The following PLPP1 variants were observed in gnomAD, a reference collection of about 807,000 sequenced individuals.
PLPP1 encodes lipid phosphate phosphohydrolase 1a.
A neutral mutation model predicts 31.2 loss-of-function variants in PLPP1; 24 were observed. That is an observed-to-expected ratio of 0.77 (90% CI 0.56 to 1.08). The LOEUF is 1.08. Ranked by LOEUF, PLPP1 falls within the 50% of genes least tolerant of loss-of-function variation. PLPP1 has a pLI of 0.00. For synonymous variants in PLPP1, 146 were observed against 126.3 expected (o/e 1.16, Z -1.05); for missense variants, 319 against 342.7 (o/e 0.93, Z 0.55).
intron 5 of PLPP1, 51 bp downstream of exon 5, chr5:55,425,812 A>ACT: frequency 7.0e-7 from 1 of 1,423,470 alleles, no homozygotes; most frequent in South Asian, 1.6e-5. Context: ...CTATTTACTT[A>ACT]TATAAATGTT....
At chr5:55,447,629 C>T (rs553695423) in intron 3 of PLPP1, among the ~76,000 whole-genome samples, 80 of 152,260 alleles carry the variant, frequency 5.3e-4, no homozygotes, top group African/African-American at 1.7e-3. Context: ...TCTTTCTGTG[C>T]CATGATTTCA....
chr5:55,525,029 G>A (rs1409510852), intron 1 of PLPP1, among the ~76,000 whole-genome samples: 1 of 152,086 alleles, frequency 6.6e-6, no homozygotes, highest in Non-Finnish European at 1.5e-5. Flanking sequence ...CACCATGGCT[G>A]GAATTACCAC....
Position 55,449,565 on chromosome 5 carries a change from G to A in PLPP1, c.492-7657C>T, listed in dbSNP as rs3804265. Among the ~76,000 whole-genome samples, 160 of 152,248 alleles carry A rather than the reference G, an allele frequency of 1.1e-3. 3 individuals are homozygous for A. The East Asian group carries it at 0.029, about 28-fold the overall frequency. On this transcript the variant is annotated intron_variant, in intron 3 of 5. Coordinates refer to ENST00000307259, the MANE Select transcript of PLPP1 (RefSeq NM_003711.4). ...ACAAACTCATGCCCAGAACCCAGCA[G>A]TGAATCGGGCCCTGTTCTCACATCT...
chr5:55,494,036 T>G (rs1752953509), intron 1 of PLPP1, among the ~76,000 whole-genome samples: 1 of 152,026 alleles, frequency 6.6e-6, no homozygotes, highest in Admixed American at 6.6e-5. Flanking sequence ...AGAGCAAGAC[T>G]CCCAACTCCA....
At chr5:55,499,523 C>G (rs187415121) in intron 1 of PLPP1, among the ~76,000 whole-genome samples, 16 of 152,242 alleles carry the variant, frequency 1.1e-4, no homozygotes, top group Admixed American at 1.0e-3. Context: ...AACAGCAATC[C>G]TGCTAGTCTC....
At chr5:55,515,236 G>A (rs1753530823) in intron 1 of PLPP1, among the ~76,000 whole-genome samples, 1 of 152,134 alleles carries the variant, frequency 6.6e-6, no homozygotes, top group African/African-American at 2.4e-5. Context: ...CTATACCATT[G>A]TTCTAAAAAT....
chr5:55,509,366 C>CAAG (rs1389581078), intron 1 of PLPP1, among the ~76,000 whole-genome samples: 1 of 152,124 alleles, frequency 6.6e-6, no homozygotes, highest in East Asian at 1.9e-4. Flanking sequence ...TGTTAACAGG[C>CAAG]AAGAATTCAA....
chr5:55,456,393 T>C (rs1752011121), intron 3 of PLPP1, among the ~76,000 whole-genome samples: 1 of 152,224 alleles, frequency 6.6e-6, no homozygotes. Context: ...TCCTTACATG[T>C]AACTCTGACT....
At chr5:55,519,332 T>C (rs1393353950) in intron 1 of PLPP1, among the ~76,000 whole-genome samples, 1 of 152,234 alleles carries the variant, frequency 6.6e-6, no homozygotes, top group Non-Finnish European at 1.5e-5. Context: ...CTTTCTCTTA[T>C]CCATGCCCTT....
chr5:55,488,194 CT>C (rs965136385), intron 1 of PLPP1, among the ~76,000 whole-genome samples: 58 of 150,550 alleles, frequency 3.9e-4, no homozygotes, highest in African/African-American at 1.3e-3. Flanking sequence ...GATACTAAGT[CT>C]TTTTCCACTC....
Position 55,534,871 on chromosome 5 carries a change from T to G in PLPP1, c.-242A>C. ...CACTCGGTTAGTGCCGAGGCGCTCG[T>G]GTGCCAGCCGCGGCAGCTCTGTAGC... On this transcript the variant is annotated 5_prime_UTR_variant, in exon 1 of 6. Transcript: ENST00000307259. 2.0e-6 allele frequency: 1 copy of G among 498,058 alleles called. No individual in the cohort carries two copies. The highest frequency in any genetic ancestry group is 3.5e-6 in the Non-Finnish European group (1 of 283,580). 30.9% of individuals were successfully genotyped at this position (498,058 alleles called of 1,614,324 possible).
rs1421883928 is a variant in PLPP1, at chr5:55,436,331, G to A, written c.549+5520C>T. 3.3e-5 allele frequency among the ~76,000 whole-genome samples: 5 copies of A among 152,088 alleles called. No individual in the cohort carries two copies. The East Asian group carries it at 5.8e-4, about 18-fold the overall frequency. On this transcript the variant is annotated intron_variant, in intron 4 of 5. Coordinates refer to ENST00000307259, the MANE Select transcript of PLPP1 (RefSeq NM_003711.4). ...GGAGGTAACTGAATCATGGGGGCAG[G>A]TCTTTCCCATGCTGTTCTTGTGATA...
chr5:55,514,674 CT>C (rs113730209), intron 1 of PLPP1, among the ~76,000 whole-genome samples: 4 of 151,048 alleles, frequency 2.6e-5, no homozygotes, highest in South Asian at 2.1e-4. Context: ...AACACACACG[CT>C]TTTTTTTTAA....
intron 1 of PLPP1, among the ~76,000 whole-genome samples, chr5:55,512,804 TG>T (rs905109639): frequency 1.1e-4 from 17 of 152,130 alleles, no homozygotes; most frequent in Admixed American, 4.6e-4. Flanking sequence ...ATTTTTAACT[TG>T]GAAAATCTAT....
At chr5:55,491,249 G>A in intron 1 of PLPP1, 2 of 873,284 alleles carry the variant, frequency 2.3e-6, no homozygotes, top group South Asian at 3.7e-5. Context: ...TATACCCAAG[G>A]GCAAAGATTA....
chr5:55,497,778 AGCT>A (rs1753034588), intron 1 of PLPP1, among the ~76,000 whole-genome samples: 1 of 152,166 alleles, frequency 6.6e-6, no homozygotes, highest in Non-Finnish European at 1.5e-5. Flanking sequence ...AACCTCCTGA[AGCT>A]GCTATCATCT....
intron 4 of PLPP1, among the ~76,000 whole-genome samples, chr5:55,427,782 G>T (rs1481745193): frequency 6.7e-6 from 1 of 149,568 alleles, no homozygotes; most frequent in Non-Finnish European, 1.5e-5. Flanking sequence ...TTTTGGGGGG[G>T]GGGATGTGGG....
At chr5:55,459,937 T>C (rs1160740496) in intron 3 of PLPP1, among the ~76,000 whole-genome samples, 1 of 152,232 alleles carries the variant, frequency 6.6e-6, no homozygotes, top group African/African-American at 2.4e-5. Flanking sequence ...GAATAGCAGA[T>C]ACATATTTTT....
intron 3 of PLPP1, among the ~76,000 whole-genome samples, chr5:55,461,395 A>G (rs181313414): frequency 1.3e-5 from 2 of 152,156 alleles, no homozygotes; most frequent in Admixed American, 6.6e-5. Context: ...ACCAAATCCA[A>G]TTAATATAAA....
Sources: gnomAD v4.1 joint callset for allele counts (sites outside exome capture counted in the v4.1 genomes callset) on GRCh38, gnomAD v4.1.1 for gene constraint, MANE v1.5 for transcripts, NCBI Gene and HGNC (gene_info 2026-07-23, HGNC 2026-07-21) for gene names.